Variants in ULK4 observed in about 807,000 individuals in gnomAD.
ULK4 encodes the protein unc-51 like kinase 4, also known as inactive serine/threonine-protein kinase ULK4.
A neutral mutation model predicts 160.6 loss-of-function variants in ULK4; 133 were observed. The observed-to-expected ratio is 0.83, with a 90% CI of 0.72 to 0.96. The LOEUF (loss-of-function observed/expected upper bound fraction) is 0.96. ULK4 is among the 40% of genes least tolerant of loss of function. ULK4 has a pLI of 0.00. For synonymous variants in ULK4, 534 were observed against 539.8 expected (o/e 0.99, Z 0.15); for missense variants, 1,580 against 1,499.5 (o/e 1.05, Z -0.89).
At chr3:41,795,536 G>A (rs962953037) in intron 20 of ULK4, among the ~76,000 whole-genome samples, 1 of 152,110 alleles carries the variant, frequency 6.6e-6, no homozygotes, top group East Asian at 1.9e-4. Context: ...TAGATTTCAA[G>A]GAGTTTAAAA....
At chr3:41,483,892 G>A (rs1559637544) in intron 32 of ULK4, among the ~76,000 whole-genome samples, 1 of 152,152 alleles carries the variant, frequency 6.6e-6, no homozygotes, top group Non-Finnish European at 1.5e-5. Flanking sequence ...TTGCAAGGAA[G>A]GGACCAGAAG....
chr3:41,695,278 T>C (rs1277218165), intron 27 of ULK4, among the ~76,000 whole-genome samples: 1 of 152,210 alleles, frequency 6.6e-6, no homozygotes, highest in Non-Finnish European at 1.5e-5. Context: ...ACCATCACAA[T>C]GCATATACAT....
intron 35 of ULK4, among the ~76,000 whole-genome samples, chr3:41,276,531 G>A (rs2079231278): frequency 6.6e-6 from 1 of 152,226 alleles, no homozygotes; most frequent in Non-Finnish European, 1.5e-5. Flanking sequence ...CAGATTGACT[G>A]AAAGGAAAAC....
chr3:41,307,578 A>G (rs1244354826), intron 35 of ULK4, among the ~76,000 whole-genome samples: 1 of 152,178 alleles, frequency 6.6e-6, no homozygotes, highest in Non-Finnish European at 1.5e-5. Context: ...CTGTAATCCA[A>G]GCACTTTAGG....
Position 41,919,819 on chromosome 3 carries a change from C to G in ULK4, c.542-1G>C, listed in dbSNP as rs1317574009. ...TCTGGTGCTGTATATACAGGAGATCCTAAAAGCAAAGTATGAAGAACAGCT... is the reference window on the plus strand; with the variant it reads ...TCTGGTGCTGTATATACAGGAGATCGTAAAAGCAAAGTATGAAGAACAGCT... On this transcript the variant is annotated splice_acceptor_variant, in intron 5 of 36. Coordinates refer to ENST00000301831, the MANE Select transcript of ULK4 (RefSeq NM_017886.4). LOFTEE classifies it high-confidence loss of function. 18 of 1,607,304 alleles carry G rather than the reference C, an allele frequency of 1.1e-5. No individual in the cohort carries two copies. Among genetic ancestry groups the G allele is most frequent in the Non-Finnish European group, 1.5e-5 (18 of 1,175,082 alleles).
At chr3:41,793,574 G>C (rs180905908) in intron 20 of ULK4, among the ~76,000 whole-genome samples, 149 of 152,268 alleles carry the variant, frequency 9.8e-4, no homozygotes, top group Non-Finnish European at 1.7e-3. Context: ...AGAGGAAGTA[G>C]TTAATGTTGC....
intron 20 of ULK4, among the ~76,000 whole-genome samples, chr3:41,798,716 TG>T (rs996310753): frequency 7.8e-4 from 117 of 150,932 alleles, no homozygotes; most frequent in Middle Eastern, 3.4e-3. Flanking sequence ...TGGCTAGGAA[TG>T]GGGGGATATG....
At chr3:41,362,525 A>G (rs2081167450) in intron 35 of ULK4, among the ~76,000 whole-genome samples, 1 of 152,198 alleles carries the variant, frequency 6.6e-6, no homozygotes, top group African/African-American at 2.4e-5. Flanking sequence ...ATGATGGTTA[A>G]ACTGTCAAGC....
chr3:41,395,251 T>C (rs2082033342), intron 35 of ULK4, among the ~76,000 whole-genome samples: 1 of 150,250 alleles, frequency 6.7e-6, no homozygotes, highest in African/African-American at 2.4e-5. Context: ...CCAAAAGCCA[T>C]TCCCATTAGC....
intron 35 of ULK4, among the ~76,000 whole-genome samples, chr3:41,315,340 G>T (rs972476001): frequency 6.6e-6 from 1 of 152,128 alleles, no homozygotes; most frequent in Non-Finnish European, 1.5e-5. Context: ...GAAAATGCCT[G>T]CCAGATACTC....
intron 35 of ULK4, among the ~76,000 whole-genome samples, chr3:41,281,976 C>A (rs2079364228): frequency 6.6e-6 from 1 of 152,102 alleles, no homozygotes; most frequent in African/African-American, 2.4e-5. Context: ...AATCAATGTG[C>A]AAAAATCACA....
intron 21 of ULK4, among the ~76,000 whole-genome samples, chr3:41,788,468 A>T (rs1052569281): frequency 1.7e-4 from 26 of 152,130 alleles, no homozygotes; most frequent in African/African-American, 5.8e-4. Flanking sequence ...GCGGATCACA[A>T]GTTCAGGAGA....
At chr3:41,884,676 ATTTTTTACCATCTTAAAATAAACC>A (rs1246380784) in intron 16 of ULK4, among the ~76,000 whole-genome samples, 1 of 152,130 alleles carries the variant, frequency 6.6e-6, no homozygotes, top group East Asian at 1.9e-4. Flanking sequence ...GTCAGCTTTT[ATTTTTTACCATCTTAAAATAAACC>A]TATGTGGTAC....
chr3:41,328,361 A>C (rs992664539), intron 35 of ULK4, among the ~76,000 whole-genome samples: 37 of 152,320 alleles, frequency 2.4e-4, no homozygotes, highest in African/African-American at 8.7e-4. Flanking sequence ...CAGATGGAGA[A>C]TCATGTTCAC....
chr3:41,407,201 A>G (rs13079361), intron 34 of ULK4, among the ~76,000 whole-genome samples: 32,402 of 152,106 alleles, frequency 0.21, 3,839 homozygotes, highest in African/African-American at 0.31. Flanking sequence ...GCTAAAAACC[A>G]TCCTACAAAA....
In ULK4 at chr3:41,843,964, A is replaced by G. The variant is rs1015980285; in HGVS notation, c.1657-7993T>C. The stretch of plus-strand genomic sequence containing the variant: ...CAAAGGTTCTCCAAGTCCCCACCAG[A>G]GTAGCTAGATACAGAGTGTCCATTG... On this transcript the variant is annotated intron_variant, in intron 17 of 36. Coordinates refer to ENST00000301831, the MANE Select transcript of ULK4 (RefSeq NM_017886.4). Among the ~76,000 whole-genome samples the G allele has an allele frequency of 7.9e-5, 12 of 152,168 alleles. No individual in the cohort carries two copies. The South Asian group carries it at 2.3e-3, about 29-fold the overall frequency.
chr3:41,743,419 C>T (rs913977649), intron 22 of ULK4, among the ~76,000 whole-genome samples: 1 of 151,326 alleles, frequency 6.6e-6, no homozygotes, highest in African/African-American at 2.4e-5. Context: ...AAAAAGTAAC[C>T]TTTTTTTCCA....
chr3:41,706,827 CAAAA>C lies in ULK4; in HGVS notation c.2635-1526_2635-1523del, dbSNP rs1156423434. ...TGGCCGACAGAGCGAGACTCTGTCT[CAAAA>C]AAAAAAAAAAAAAAAATATGTGTGT... On this transcript the variant is annotated intron_variant, in intron 25 of 36. Coordinates refer to ENST00000301831, the MANE Select transcript of ULK4 (RefSeq NM_017886.4). Among the ~76,000 whole-genome samples the C allele has an allele frequency of 8.4e-4, 49 of 58,228 alleles. 2 individuals carry two copies. The highest frequency in any genetic ancestry group is 1.9e-3 in the African/African-American group (45 of 24,010). 38.2% of individuals were successfully genotyped at this position (58,228 alleles called of 152,430 possible).
At chr3:41,724,521 G>A (rs951737633) in intron 22 of ULK4, among the ~76,000 whole-genome samples, 2 of 152,022 alleles carry the variant, frequency 1.3e-5, no homozygotes, top group Non-Finnish European at 2.9e-5. Context: ...TCAGGAGATC[G>A]AGACCATCCT....
Sources: gnomAD v4.1 joint callset for allele counts (sites outside exome capture counted in the v4.1 genomes callset) on GRCh38, gnomAD v4.1.1 for gene constraint, MANE v1.5 for transcripts, NCBI Gene and HGNC (gene_info 2026-07-23, HGNC 2026-07-21) for gene names.